HIP1: variants seen among roughly 807,000 people sequenced by gnomAD.
The protein encoded by HIP1 is huntingtin interacting protein 1, also known as huntingtin-interacting protein 1.
In HIP1, 65 loss-of-function variants were observed where a neutral mutation model predicts 147.6. The ratio of observed to expected loss-of-function variants is 0.44; its 90% CI spans 0.36 to 0.54. The LOEUF (loss-of-function observed/expected upper bound fraction) is 0.54. Ranked by LOEUF, HIP1 falls within the 20% of genes least tolerant of loss-of-function variation. HIP1 has a pLI of 0.00. For missense variants in HIP1, 1,061 were observed against 1,299.6 expected (o/e 0.82, Z 2.82); for synonymous variants, 479 against 504.0 (o/e 0.95, Z 0.67).
chr7:75,561,113 C>T (rs1306584046), intron 13 of HIP1, among the ~76,000 whole-genome samples: 2 of 152,002 alleles, frequency 1.3e-5, no homozygotes, highest in African/African-American at 2.4e-5. Context: ...CCAACACACC[C>T]GGCTAATTAT....
At chr7:75,721,277 T>G (rs1359879279) in intron 1 of HIP1, among the ~76,000 whole-genome samples, 3 of 151,800 alleles carry the variant, frequency 2.0e-5, no homozygotes, top group Non-Finnish European at 4.4e-5. Flanking sequence ...CTCAGGAGGC[T>G]GAGGCAGAAT....
At chr7:75,572,616 G>A (rs888585929) in intron 8 of HIP1, among the ~76,000 whole-genome samples, 9 of 152,182 alleles carry the variant, frequency 5.9e-5, no homozygotes, top group Non-Finnish European at 5.9e-5. Context: ...AGGGAGGCAT[G>A]GCCAGGGCTG....
At chr7:75,737,696 C>A (rs1285071578) in intron 1 of HIP1, among the ~76,000 whole-genome samples, 2 of 152,158 alleles carry the variant, frequency 1.3e-5, no homozygotes, top group Non-Finnish European at 2.9e-5. Context: ...CAGTCAGATT[C>A]TCACTGTCTT....
chr7:75,720,642 C>T (rs782578319), intron 1 of HIP1, among the ~76,000 whole-genome samples: 14 of 152,188 alleles, frequency 9.2e-5, no homozygotes, highest in South Asian at 2.1e-4. Flanking sequence ...CAGGTTTAGT[C>T]GTTTGGGGCA....
At chr7:75,612,589 A>C (rs1554505248) in intron 1 of HIP1, among the ~76,000 whole-genome samples, 1 of 152,052 alleles carries the variant, frequency 6.6e-6, no homozygotes, top group Admixed American at 6.6e-5. Context: ...CGGGTGGATC[A>C]CCTGAGGTCA....
At chr7:75,600,608 A>G (rs1796939935) in intron 1 of HIP1, among the ~76,000 whole-genome samples, 1 of 152,186 alleles carries the variant, frequency 6.6e-6, no homozygotes, top group Non-Finnish European at 1.5e-5. Flanking sequence ...ACACATACAC[A>G]TAAATACCTA....
At chr7:75,718,357 TA>T (rs1158296568) in intron 1 of HIP1, among the ~76,000 whole-genome samples, 31 of 151,618 alleles carry the variant, frequency 2.0e-4, no homozygotes, top group African/African-American at 7.5e-4. Flanking sequence ...ACTCTGTCTC[TA>T]AAAAGAAAAG....
At chr7:75,727,565 G>A (rs1433611095) in intron 1 of HIP1, among the ~76,000 whole-genome samples, 1 of 152,020 alleles carries the variant, frequency 6.6e-6, no homozygotes, top group Non-Finnish European at 1.5e-5. Flanking sequence ...GAAAAATAAG[G>A]CTGGGCGCAG....
At position 75,638,005 on chromosome 7, in the gene HIP1, TACACACACACAC is replaced by T. The variant is rs372119007; in HGVS notation, c.121-38770_121-38759del. Reference sequence around the variant, plus strand: ...CCCCCCCCCCCCCCACACACACACATACACACACACACACACACACACACACACAGCCCACGA... The same window carrying T: ...CCCCCCCCCCCCCCACACACACACATACACACACACACACACAGCCCACGA... On this transcript the variant is annotated intron_variant, in intron 1 of 30. Transcript: ENST00000336926. Among the ~76,000 whole-genome samples, 25 of 44,012 alleles carry T rather than the reference TACACACACACAC, an allele frequency of 5.7e-4. 1 individual carries two copies. The East Asian group carries it at 0.014, about 26-fold the overall frequency. 28.9% of individuals were successfully genotyped at this position (44,012 alleles called of 152,430 possible). A position where few individuals can be genotyped will look rare whatever the true frequency, so the allele number is the denominator to read the frequency against.
chr7:75,559,405 T>A (rs1011504249), intron 14 of HIP1, among the ~76,000 whole-genome samples: 7 of 152,196 alleles, frequency 4.6e-5, no homozygotes, highest in Non-Finnish European at 1.0e-4. Context: ...CATGTGCCAC[T>A]GTGCCCTCAG....
intron 1 of HIP1, among the ~76,000 whole-genome samples, chr7:75,700,235 T>C (rs1252175625): frequency 6.6e-6 from 1 of 152,168 alleles, no homozygotes; most frequent in Non-Finnish European, 1.5e-5. Flanking sequence ...CCTCTGCTAC[T>C]GTGGTTATGA....
Position 75,680,814 on chromosome 7 carries a change from C to T in HIP1, c.120+57987G>A, listed in dbSNP as rs192054416. On this transcript the variant is annotated intron_variant, in intron 1 of 30. Coordinates refer to ENST00000336926, the MANE Select transcript of HIP1 (RefSeq NM_005338.7). Reference sequence around the variant, plus strand: ...TTTTTGAGATGGAGTCTTGCTCTGTCGCCCAGGCTGGAGTGCAGTGACACG... The same window carrying T: ...TTTTTGAGATGGAGTCTTGCTCTGTTGCCCAGGCTGGAGTGCAGTGACACG... Among the ~76,000 whole-genome samples the T allele has an allele frequency of 6.1e-4, 92 of 151,370 alleles. 1 individual carries two copies. Among genetic ancestry groups the T allele is most frequent in the Admixed American group, 2.2e-3 (33 of 15,172 alleles).
intron 9 of HIP1, among the ~76,000 whole-genome samples, chr7:75,565,041 A>G (rs1795355584): frequency 6.6e-6 from 1 of 152,090 alleles, no homozygotes; most frequent in Non-Finnish European, 1.5e-5. Context: ...AGTTAACTAC[A>G]TCTATTCTGA....
At chr7:75,673,577 A>G (rs923340730) in intron 1 of HIP1, among the ~76,000 whole-genome samples, 10 of 152,172 alleles carry the variant, frequency 6.6e-5, no homozygotes, top group Non-Finnish European at 1.5e-5. Context: ...GTTCCAGTAC[A>G]CAAGTATTGC....
chr7:75,557,851 C>G, intron 15 of HIP1, 81 bp from the exon 16 acceptor site: 1 of 1,046,044 alleles, frequency 9.6e-7, no homozygotes, highest in Admixed American at 1.7e-5. Context: ...CATACTCAGG[C>G]TGTGCGTGCC....
intron 1 of HIP1, among the ~76,000 whole-genome samples, chr7:75,738,467 G>A (rs1021745493): frequency 1.1e-4 from 17 of 152,146 alleles, no homozygotes; most frequent in Non-Finnish European, 2.1e-4. Flanking sequence ...CTTGTTTAGG[G>A]GCAACCCTTC....
At chr7:75,581,046 C>A (rs951470685) in intron 7 of HIP1, among the ~76,000 whole-genome samples, 191 bp downstream of exon 7, 5 of 152,096 alleles carry the variant, frequency 3.3e-5, no homozygotes, top group African/African-American at 9.7e-5. Flanking sequence ...CCGGCCGAGA[C>A]CTTGTCTCTT....
At chr7:75,663,703 G>C (rs539268413) in intron 1 of HIP1, among the ~76,000 whole-genome samples, 1 of 151,338 alleles carries the variant, frequency 6.6e-6, no homozygotes. Context: ...AAAGAGATGA[G>C]AGAACAGAGC....
chr7:75,562,836 G>T (rs1554494820), intron 11 of HIP1, 99 bp downstream of exon 11: 2 of 1,236,570 alleles, frequency 1.6e-6, no homozygotes, highest in African/African-American at 1.5e-5. Flanking sequence ...GCCTGAACCT[G>T]GTTAGAGTCA....
Sources: allele counts gnomAD v4.1 joint callset (sites outside exome capture counted in the v4.1 genomes callset), GRCh38; gene constraint gnomAD v4.1.1; transcripts MANE v1.5; gene names NCBI Gene and HGNC (gene_info 2026-07-23, HGNC 2026-07-21).